The following SDK1 variants were observed in gnomAD, a reference collection of about 807,000 sequenced individuals.
The protein encoded by SDK1 is protein sidekick-1.
Under a neutral mutation model 245.5 loss-of-function variants are expected in SDK1, and 157 were observed. The observed-to-expected ratio is 0.64, with a 90% confidence interval of 0.56 to 0.73. SDK1 has a LOEUF of 0.73. SDK1 is among the 30% of genes least tolerant of loss of function. The pLI is 0.00. For synonymous variants in SDK1, 1,647 were observed against 1,278.5 expected, an observed-to-expected ratio of 1.29 and a Z score of -6.15; for missense variants, 3,583 against 3,002.3, an observed-to-expected ratio of 1.19 and a Z score of -4.52.
At chr7:3,591,941 G>T (rs1780888614) in intron 1 of SDK1, among the ~76,000 whole-genome samples, 1 of 152,202 alleles carries the variant, frequency 6.6e-6, no homozygotes, top group Admixed American at 6.5e-5. Flanking sequence ...TCCACAAAAG[G>T]TGACTTCTCT....
chr7:3,361,551 T>C (rs1780954319), intron 1 of SDK1, among the ~76,000 whole-genome samples: 1 of 152,248 alleles, frequency 6.6e-6, no homozygotes, highest in Admixed American at 6.5e-5. Context: ...ATTCACTCTA[T>C]ATTTAAATCT....
intron 17 of SDK1, among the ~76,000 whole-genome samples, chr7:4,020,379 C>A (rs1316617183): frequency 6.6e-6 from 1 of 152,154 alleles, no homozygotes; most frequent in Non-Finnish European, 1.5e-5. Context: ...GACCTCCCAG[C>A]CAGCCACGCT....
At chr7:3,493,979 T>C (rs1420123798) in intron 1 of SDK1, among the ~76,000 whole-genome samples, 1 of 152,244 alleles carries the variant, frequency 6.6e-6, no homozygotes, top group East Asian at 1.9e-4. Flanking sequence ...GAAGAATATG[T>C]TCCTGTATAG....
At chr7:4,114,389 T>C in intron 25 of SDK1, 115 bp downstream of exon 25, 1 of 796,842 alleles carries the variant, frequency 1.3e-6, no homozygotes, top group South Asian at 1.8e-5. Context: ...CACTTGTGTC[T>C]GTCTTGGAGC....
At chr7:3,491,218 G>C (rs1439274920) in intron 1 of SDK1, among the ~76,000 whole-genome samples, 2 of 152,222 alleles carry the variant, frequency 1.3e-5, no homozygotes, top group Non-Finnish European at 2.9e-5. Flanking sequence ...AGGGTGTCTA[G>C]AATTGCTGAG....
At chr7:3,552,869 C>T (rs1025664076) in intron 1 of SDK1, among the ~76,000 whole-genome samples, 5 of 152,192 alleles carry the variant, frequency 3.3e-5, no homozygotes, top group African/African-American at 9.7e-5. Context: ...TGGGATCTTA[C>T]TGTTGCATAA....
rs190436073 is a variant in SDK1 at position 4,183,417 on chromosome 7, C to T, written c.5098+4831C>T. 6.3e-4 allele frequency among the ~76,000 whole-genome samples: 95 copies of T among 151,910 alleles called. 1 individual carries two copies. In the East Asian group the frequency reaches 0.016, roughly 25 times the overall value. On this transcript the variant is annotated intron_variant, in intron 35 of 44. Transcript: ENST00000404826. ...TTGGGAGGCTGAGGTGGGTGGATCG[C>T]GAAGTCAGGAGTTCAAGACCAGCCT... is the stretch of plus-strand genomic sequence containing the variant.
At chr7:3,306,617 A>G (rs1397698714) in intron 1 of SDK1, among the ~76,000 whole-genome samples, 1 of 152,186 alleles carries the variant, frequency 6.6e-6, no homozygotes, top group Non-Finnish European at 1.5e-5. Context: ...TGGGCCCTCA[A>G]ATACTGAGAT....
intron 22 of SDK1, among the ~76,000 whole-genome samples, chr7:4,106,602 C>A (rs913281187): frequency 3.3e-5 from 5 of 152,160 alleles, no homozygotes; most frequent in Admixed American, 6.5e-5. Context: ...GGCCAGCCCC[C>A]GTTTGTGACC....
intron 17 of SDK1, among the ~76,000 whole-genome samples, chr7:4,032,577 A>G (rs1562700837): frequency 1.3e-5 from 2 of 151,918 alleles, no homozygotes; most frequent in East Asian, 3.8e-4. Flanking sequence ...GCAGATAATA[A>G]TATATGATAT....
chr7:3,512,709 G>C (rs1782622818), intron 1 of SDK1, among the ~76,000 whole-genome samples: 1 of 152,098 alleles, frequency 6.6e-6, no homozygotes, highest in African/African-American at 2.4e-5. Context: ...TTAATTGGTT[G>C]TTTGAAGCAA....
At chr7:3,671,354 C>T (rs1783695930) in intron 4 of SDK1, among the ~76,000 whole-genome samples, 1 of 152,092 alleles carries the variant, frequency 6.6e-6, no homozygotes, top group Admixed American at 6.6e-5. Flanking sequence ...ATTTTTTAAA[C>T]CAATTTTTAA....
At chr7:4,176,796 G>A (rs556553004) in intron 34 of SDK1, among the ~76,000 whole-genome samples, 2 of 152,172 alleles carry the variant, frequency 1.3e-5, no homozygotes, top group African/African-American at 2.4e-5. Context: ...GTCCAAGCAC[G>A]TGAGAGCAGG....
chr7:4,153,076 A>C (rs1279855555), intron 30 of SDK1, among the ~76,000 whole-genome samples: 1 of 152,116 alleles, frequency 6.6e-6, no homozygotes, highest in Non-Finnish European at 1.5e-5. Flanking sequence ...GTGGCTGTGC[A>C]TCTGGCTGTG....
intron 5 of SDK1, among the ~76,000 whole-genome samples, chr7:3,857,180 A>G (rs1268369198): frequency 6.6e-6 from 1 of 152,222 alleles, no homozygotes; most frequent in Non-Finnish European, 1.5e-5. Flanking sequence ...ACATACTGAT[A>G]AATTATTAGA....
chr7:3,583,707 C>G (rs1780590690), intron 1 of SDK1, among the ~76,000 whole-genome samples: 1 of 152,036 alleles, frequency 6.6e-6, no homozygotes, highest in Non-Finnish European at 1.5e-5. Flanking sequence ...CAGGTGCCCC[C>G]TGAGAGGCAT....
At chr7:3,801,137 G>A (rs963326758) in intron 4 of SDK1, among the ~76,000 whole-genome samples, 5 of 152,176 alleles carry the variant, frequency 3.3e-5, no homozygotes, top group Admixed American at 2.0e-4. Context: ...AGATGCGGAT[G>A]ATTAAATAAG....
At chr7:3,994,371 G>A (rs1482354589) in intron 14 of SDK1, among the ~76,000 whole-genome samples, 3 of 152,184 alleles carry the variant, frequency 2.0e-5, no homozygotes, top group Non-Finnish European at 4.4e-5. Flanking sequence ...GCTGGGCGCA[G>A]TGGCTCACAC....
At chr7:3,563,141 C>T (rs955389244) in intron 1 of SDK1, among the ~76,000 whole-genome samples, 5 of 151,786 alleles carry the variant, frequency 3.3e-5, no homozygotes, top group African/African-American at 1.2e-4. Context: ...AGAGGTGCAG[C>T]TTTTAAACCA....
Sources: gnomAD v4.1 joint callset for allele counts (sites outside exome capture counted in the v4.1 genomes callset) on GRCh38, gnomAD v4.1.1 for gene constraint, MANE v1.5 for transcripts, NCBI Gene and HGNC (gene_info 2026-07-23, HGNC 2026-07-21) for gene names.